The following LMBR1 variants were observed in gnomAD, a reference collection of about 807,000 sequenced individuals.
LMBR1 encodes limb region 1 protein homolog.
A neutral mutation model predicts 73.9 loss-of-function variants in LMBR1; 52 were observed. The observed-to-expected ratio is 0.70, with a 90% confidence interval of 0.56 to 0.89. LMBR1 has a LOEUF of 0.89. LMBR1 is among the 40% of genes least tolerant of loss of function. LMBR1 has a pLI of 0.00. For synonymous variants in LMBR1, 215 were observed against 209.4 expected (o/e 1.03, Z -0.23); for missense variants, 539 against 579.8 (o/e 0.93, Z 0.72).
chr7:156,840,674 T>C (rs1290179930), intron 1 of LMBR1, among the ~76,000 whole-genome samples: 1 of 151,628 alleles, frequency 6.6e-6, no homozygotes, highest in Non-Finnish European at 1.5e-5. Flanking sequence ...GAAAATAAAC[T>C]GGAGGCCGGG....
At chr7:156,829,894 G>T (rs775547071) in intron 3 of LMBR1, among the ~76,000 whole-genome samples, 1 of 152,098 alleles carries the variant, frequency 6.6e-6, no homozygotes, top group Non-Finnish European at 1.5e-5. Flanking sequence ...GCTGCTGACC[G>T]GCCAAAAATA....
intron 5 of LMBR1, among the ~76,000 whole-genome samples, chr7:156,773,568 T>C (rs548714899): frequency 6.6e-6 from 1 of 152,092 alleles, no homozygotes; most frequent in Admixed American, 6.5e-5. Context: ...CATCTGAACG[T>C]CAACAAAGTC....
rs970281844 is a variant in LMBR1, at chr7:156,681,998, G to C, written c.*2080C>G. 24 of 152,252 alleles carry C rather than the reference G, an allele frequency of 1.6e-4. No homozygotes were observed. The highest frequency in any genetic ancestry group is 5.5e-4 in the African/African-American group (23 of 41,460). 9.4% of individuals were successfully genotyped at this position (152,252 alleles called of 1,614,324 possible). A position where few individuals can be genotyped will look rare whatever the true frequency, so the allele number is the denominator to read the frequency against. ...AAGAGCCTCGAGGAACCGTGATTAC[G>C]CAGCAGCCCAAGGCTGTAACAATCT... On this transcript the variant is annotated 3_prime_UTR_variant, in exon 17 of 17. Transcript: ENST00000353442.
intron 1 of LMBR1, among the ~76,000 whole-genome samples, chr7:156,890,838 T>C (rs1802779645): frequency 6.6e-6 from 1 of 152,212 alleles, no homozygotes; most frequent in South Asian, 2.1e-4. Context: ...AGGGATTCCA[T>C]TCCTAGGGCT....
chr7:156,794,785 G>A (rs966090186), intron 5 of LMBR1, among the ~76,000 whole-genome samples: 1 of 152,158 alleles, frequency 6.6e-6, no homozygotes, highest in African/African-American at 2.4e-5. Flanking sequence ...GGCAGGCAAT[G>A]TCACAGAGTC....
intron 15 of LMBR1, among the ~76,000 whole-genome samples, chr7:156,708,047 A>C (rs976199912): frequency 3.3e-5 from 5 of 152,198 alleles, no homozygotes; most frequent in East Asian, 1.9e-4. Flanking sequence ...AAAAAAAAAA[A>C]AACTACTATC....
At chr7:156,858,403 A>G (rs1797273959) in intron 1 of LMBR1, among the ~76,000 whole-genome samples, 1 of 152,218 alleles carries the variant, frequency 6.6e-6, no homozygotes, top group Non-Finnish European at 1.5e-5. Flanking sequence ...TACTAGTTCT[A>G]TGTCTATTAA....
intron 3 of LMBR1, among the ~76,000 whole-genome samples, chr7:156,830,787 G>C (rs1226594590): frequency 6.6e-6 from 1 of 152,106 alleles, no homozygotes; most frequent in African/African-American, 2.4e-5. Flanking sequence ...AGCCCATCTC[G>C]GAGATTCTAC....
chr7:156,688,314 T>G (rs1806397047), intron 15 of LMBR1, 123 bp from the exon 16 acceptor site: 2 of 634,920 alleles, frequency 3.1e-6, no homozygotes, highest in Admixed American at 6.9e-5. Context: ...CGTGAGATGC[T>G]CTAATGAATA....
At chr7:156,675,361 G>T (rs1803628203), downstream of LMBR1, among the ~76,000 whole-genome samples, 1 of 152,168 alleles carries the variant, frequency 6.6e-6, no homozygotes. Flanking sequence ...CCACTTTAGG[G>T]GTGGGGAGAG....
chr7:156,726,860 C>T (rs1190222379), intron 12 of LMBR1, among the ~76,000 whole-genome samples: 1 of 151,786 alleles, frequency 6.6e-6, no homozygotes, highest in Non-Finnish European at 1.5e-5. Flanking sequence ...TGTTTATCTC[C>T]GGAGACACGA....
At chr7:156,691,557 C>T (rs1018558530) in intron 15 of LMBR1, among the ~76,000 whole-genome samples, 1 of 152,078 alleles carries the variant, frequency 6.6e-6, no homozygotes, top group African/African-American at 2.4e-5. Context: ...TTTTAGCAAG[C>T]TTATTCATCT....
chr7:156,684,302 G>T, intron 16 of LMBR1, 139 bp from the exon 17 acceptor site: 1 of 681,612 alleles, frequency 1.5e-6, no homozygotes, highest in Non-Finnish European at 2.5e-6. Context: ...TCCCCTTGAG[G>T]AATGAATGAT....
chr7:156,770,729 C>A (rs987488679), intron 5 of LMBR1, among the ~76,000 whole-genome samples: 8 of 152,106 alleles, frequency 5.3e-5, no homozygotes, highest in Non-Finnish European at 8.8e-5. Context: ...GCCTGGGCAA[C>A]ATAGCAAGAC....
intron 5 of LMBR1, among the ~76,000 whole-genome samples, chr7:156,765,741 ACT>A (rs1823959852): frequency 6.6e-6 from 1 of 152,078 alleles, no homozygotes; most frequent in Non-Finnish European, 1.5e-5. Context: ...TTTGTGTTAC[ACT>A]CTCTCAATCC....
chr7:156,755,058 T>TA (rs1821596433), intron 9 of LMBR1, among the ~76,000 whole-genome samples: 1 of 152,294 alleles, frequency 6.6e-6, no homozygotes, highest in South Asian at 2.1e-4. Flanking sequence ...AAATGGTATG[T>TA]AAAAAAATTA....
intron 9 of LMBR1, among the ~76,000 whole-genome samples, chr7:156,748,834 C>T (rs1820326623): frequency 6.6e-6 from 1 of 152,020 alleles, no homozygotes; most frequent in South Asian, 2.1e-4. Context: ...ATATATATTT[C>T]ATAAAATATA....
intron 9 of LMBR1, among the ~76,000 whole-genome samples, chr7:156,744,372 TCAGGAATCTTA>T (rs200170320): frequency 0.031 from 4,769 of 152,086 alleles, 116 homozygotes; most frequent in South Asian, 0.084. Flanking sequence ...TTCTTGGAAT[TCAGGAATCTTA>T]CAAACTAAAT....
rs751989412 is a variant in LMBR1, at chr7:156,682,807, CAT to C, written c.*1269_*1270del. On this transcript the variant is annotated 3_prime_UTR_variant, in exon 17 of 17. Transcript: ENST00000353442. ...TGTCTGAACACAGACCATCTATTTT[CAT>C]ACACACAGTGCATGTGAACATATTT... 5 of 152,312 alleles carry C rather than the reference CAT, an allele frequency of 3.3e-5. No homozygotes were observed. The highest frequency in any genetic ancestry group is 7.3e-5 in the Non-Finnish European group (5 of 68,030). 9.4% of individuals were successfully genotyped at this position (152,312 alleles called of 1,614,324 possible). A position where few individuals can be genotyped will look rare whatever the true frequency, so the allele number is the denominator to read the frequency against.
Sources: allele counts gnomAD v4.1 joint callset (sites outside exome capture counted in the v4.1 genomes callset), GRCh38; gene constraint gnomAD v4.1.1; transcripts MANE v1.5; gene names NCBI Gene and HGNC (gene_info 2026-07-23, HGNC 2026-07-21).